The following SLIT2 variants were observed in gnomAD, a reference collection of about 807,000 sequenced individuals.
The protein encoded by SLIT2 is slit guidance ligand 2.
In SLIT2, 41 loss-of-function variants were observed where a neutral mutation model predicts 185.7. The observed-to-expected ratio is 0.22, with a 90% CI of 0.17 to 0.29. The LOEUF is 0.29. Ranked by LOEUF, SLIT2 falls within the 10% of genes least tolerant of loss-of-function variation. The pLI is 1.00. For synonymous variants in SLIT2, 693 were observed against 680.2 expected (o/e 1.02, Z -0.29); for missense variants, 1,571 against 1,909.0 (o/e 0.82, Z 3.30).
intron 4 of SLIT2, among the ~76,000 whole-genome samples, chr4:20,290,499 T>C (rs1031210233): frequency 1.3e-5 from 2 of 152,204 alleles, no homozygotes; most frequent in African/African-American, 2.4e-5. Flanking sequence ...TAAGGGACTT[T>C]TGCATTCTTA....
Position 20,539,601 on chromosome 4 carries a change from G to A in SLIT2, c.1976+17G>A, listed in dbSNP as rs192671771. ...ATCTACTCTGTAAGTATGAAAAATA[G>A]CCCTTATGTATTACTTGAGCCATTT... On this transcript the variant is annotated intron_variant, in intron 19 of 36. Coordinates refer to ENST00000504154, the MANE Select transcript of SLIT2 (RefSeq NM_004787.4). 6.8e-4 allele frequency: 1,065 copies of A among 1,561,478 alleles called. 5 individuals are homozygous for A. The highest frequency in any genetic ancestry group is 4.3e-3 in the East Asian group (192 of 44,228).
In SLIT2 at chr4:20,619,758, G is replaced by A; in HGVS notation, c.*749G>A. 1 of 151,942 alleles carries A rather than the reference G, an allele frequency of 6.6e-6. No individual in the cohort carries two copies. Among genetic ancestry groups the A allele is most frequent in the East Asian group, 1.9e-4 (1 of 5,192 alleles). The allele number at this position is 151,942 out of a possible 1,614,324, so 9.4% of individuals were successfully genotyped here. A position where few individuals can be genotyped will look rare whatever the true frequency, so the allele number is the denominator to read the frequency against. On this transcript the variant is annotated 3_prime_UTR_variant, in exon 37 of 37. Transcript: ENST00000504154. ...TATGAGTTCTAAACAGCCCTATACA[G>A]TATTCAGTTTCCATGAGAAATATTT... is the stretch of plus-strand genomic sequence containing the variant.
At chr4:20,395,741 A>T (rs1194066362) in intron 4 of SLIT2, among the ~76,000 whole-genome samples, 1 of 151,986 alleles carries the variant, frequency 6.6e-6, no homozygotes, top group Non-Finnish European at 1.5e-5. Context: ...GATCTCATAT[A>T]GACCAATCTT....
chr4:20,425,720 G>A (rs577594797), intron 4 of SLIT2, among the ~76,000 whole-genome samples: 4 of 152,118 alleles, frequency 2.6e-5, no homozygotes, highest in African/African-American at 4.8e-5. Flanking sequence ...CCTAGGAAAT[G>A]CTTTAGTCTT....
At chr4:20,541,714 A>G (rs1248311267) in intron 20 of SLIT2, 95 bp downstream of exon 20, 1 of 1,090,996 alleles carries the variant, frequency 9.2e-7, no homozygotes, top group Non-Finnish European at 1.3e-6. Flanking sequence ...CAGCTCAGCA[A>G]ATAATGATCG....
chr4:20,576,575 G>A (rs974053612), intron 29 of SLIT2, among the ~76,000 whole-genome samples: 1 of 152,220 alleles, frequency 6.6e-6, no homozygotes, highest in Admixed American at 6.5e-5. Context: ...TATCAAGGTC[G>A]TTATAGTTGC....
chr4:20,402,376 A>G (rs1226421083), intron 4 of SLIT2, among the ~76,000 whole-genome samples: 1 of 151,892 alleles, frequency 6.6e-6, no homozygotes, highest in African/African-American at 2.4e-5. Flanking sequence ...CAACTAGCTT[A>G]ATTTTTTTGT....
intron 4 of SLIT2, among the ~76,000 whole-genome samples, chr4:20,358,553 T>G (rs1432386146): frequency 6.6e-6 from 1 of 152,108 alleles, no homozygotes; most frequent in Non-Finnish European, 1.5e-5. Flanking sequence ...AAAATTTGGG[T>G]GTCTACTCTG....
chr4:20,367,313 G>T (rs1723195922), intron 4 of SLIT2, among the ~76,000 whole-genome samples: 1 of 152,096 alleles, frequency 6.6e-6, no homozygotes, highest in Admixed American at 6.6e-5. Flanking sequence ...TGTTCTTAGA[G>T]AACATCTTAA....
intron 3 of SLIT2, among the ~76,000 whole-genome samples, chr4:20,263,243 T>C (rs1712680035): frequency 6.6e-6 from 1 of 151,804 alleles, no homozygotes; most frequent in Admixed American, 6.6e-5. Context: ...TCAAACCAAG[T>C]GTTATCTGCT....
chr4:20,420,183 G>A (rs1413985520), intron 4 of SLIT2, among the ~76,000 whole-genome samples: 6 of 151,970 alleles, frequency 3.9e-5, no homozygotes, highest in African/African-American at 1.5e-4. Flanking sequence ...CTTCTAATGC[G>A]TACATTTTTA....
At position 20,359,145 on chromosome 4, in the gene SLIT2, A is replaced by G. The variant is rs527695948; in HGVS notation, c.395+90264A>G. The stretch of plus-strand genomic sequence containing the variant: ...CAATTATAAAACGTCTTTATAGTCC[A>G]CTATGGCAATTATGAAGGCAGAGTA... On this transcript the variant is annotated intron_variant, in intron 4 of 36. Coordinates refer to ENST00000504154, the MANE Select transcript of SLIT2 (RefSeq NM_004787.4). Among the ~76,000 whole-genome samples the G allele has an allele frequency of 2.0e-4, 30 of 152,270 alleles. No individual in the cohort carries two copies. The South Asian group carries it at 3.9e-3, about 20-fold the overall frequency.
chr4:20,440,098 G>T (rs1439692091), intron 4 of SLIT2, among the ~76,000 whole-genome samples: 1 of 152,092 alleles, frequency 6.6e-6, no homozygotes, highest in East Asian at 1.9e-4. Context: ...ATGAAATTTT[G>T]CTTTGGAAAG....
At chr4:20,541,703 T>G in intron 20 of SLIT2, 84 bp downstream of exon 20, 1 of 1,186,650 alleles carries the variant, frequency 8.4e-7, no homozygotes, top group South Asian at 1.4e-5. Context: ...ACAGCATAGT[T>G]CAGCTCAGCA....
intron 4 of SLIT2, among the ~76,000 whole-genome samples, chr4:20,278,533 C>G (rs951063186): frequency 1.3e-5 from 2 of 152,054 alleles, no homozygotes; most frequent in Non-Finnish European, 2.9e-5. Flanking sequence ...TACCCAGCCT[C>G]TTGTCACAAA....
At chr4:20,460,713 A>C (rs1713608733) in intron 4 of SLIT2, among the ~76,000 whole-genome samples, 1 of 152,142 alleles carries the variant, frequency 6.6e-6, no homozygotes, top group Non-Finnish European at 1.5e-5. Flanking sequence ...TTTAACCTCT[A>C]CTTCTATGAG....
intron 26 of SLIT2, among the ~76,000 whole-genome samples, chr4:20,563,527 C>G (rs933920448): frequency 6.6e-6 from 1 of 151,718 alleles, no homozygotes; most frequent in African/African-American, 2.4e-5. Context: ...GTTGCTTTCC[C>G]TAACAGCTTA....
At chr4:20,479,295 G>A (rs529025291) in intron 5 of SLIT2, among the ~76,000 whole-genome samples, 5 of 152,278 alleles carry the variant, frequency 3.3e-5, no homozygotes, top group Admixed American at 3.3e-4. Context: ...AAAGTCACTG[G>A]ATTAAATCAT....
intron 4 of SLIT2, 81 bp downstream of exon 4, chr4:20,268,962 G>C (rs1713318245): frequency 1.2e-6 from 1 of 865,180 alleles, no homozygotes. Flanking sequence ...GTTTGTGTGT[G>C]CTTTCCTGGA....
Sources: allele counts gnomAD v4.1 joint callset (sites outside exome capture counted in the v4.1 genomes callset), GRCh38; gene constraint gnomAD v4.1.1; transcripts MANE v1.5; gene names NCBI Gene and HGNC (gene_info 2026-07-23, HGNC 2026-07-21).